The following KHDRBS1 variants were observed in gnomAD, a reference collection of about 807,000 sequenced individuals.
KHDRBS1 encodes KH RNA binding domain containing, signal transduction associated 1.
Under a neutral mutation model 48.4 loss-of-function variants are expected in KHDRBS1, and 7 were observed. The observed-to-expected ratio is 0.14, with a 90% CI of 0.08 to 0.27. KHDRBS1 has a LOEUF of 0.27. Ranked by LOEUF, KHDRBS1 falls within the 10% of genes least tolerant of loss-of-function variation. The probability of loss-of-function intolerance (pLI) is 1.00; values close to 1 mark genes in which losing one functional copy is unlikely to be tolerated. For synonymous variants in KHDRBS1, 241 were observed against 235.8 expected, an observed-to-expected ratio of 1.02 and a Z score of -0.20; for missense variants, 458 against 601.2, an observed-to-expected ratio of 0.76 and a Z score of 2.49.
At chr1:32,049,438 T>A (rs1639392415) in intron 10 of KHDRBS1, among the ~76,000 whole-genome samples, 1 of 151,788 alleles carries the variant, frequency 6.6e-6, no homozygotes, top group South Asian at 2.1e-4. Context: ...TTTTTTTTTT[T>A]ACTGTTAAAT....
intron 4 of KHDRBS1, among the ~76,000 whole-genome samples, chr1:32,033,691 A>G (rs2124379928): frequency 3.3e-5 from 5 of 152,274 alleles, no homozygotes; most frequent in Admixed American, 3.3e-4. Context: ...TTGTGTTAGG[A>G]AAGTGACTAA....
chr1:32,041,930 G>T (rs1410467272), intron 8 of KHDRBS1, among the ~76,000 whole-genome samples: 1 of 152,178 alleles, frequency 6.6e-6, no homozygotes, highest in Non-Finnish European at 1.5e-5. Context: ...ACATTTGATT[G>T]CACATCCCTC....
In KHDRBS1 at chr1:32,043,358, A is replaced by G. The variant is rs568879076; in HGVS notation, c.*734A>G. 11 of 152,598 alleles carry G rather than the reference A, an allele frequency of 7.2e-5. No homozygotes were observed. The highest frequency in any genetic ancestry group is 2.6e-4 in the African/African-American group (11 of 41,532). 9.5% of individuals were successfully genotyped at this position (152,598 alleles called of 1,614,324 possible). On this transcript the variant is annotated 3_prime_UTR_variant, in exon 9 of 9. Coordinates refer to ENST00000327300, the MANE Select transcript of KHDRBS1 (RefSeq NM_006559.3). ...TGGGTTTTGAAATCTAGCCCCAGACATACTGTGTTGAGAGATACTTAGAGG... is the reference window on the plus strand; with the variant it reads ...TGGGTTTTGAAATCTAGCCCCAGACGTACTGTGTTGAGAGATACTTAGAGG...
chr1:32,038,835 G>A (rs1557897142), intron 7 of KHDRBS1, among the ~76,000 whole-genome samples: 2 of 152,172 alleles, frequency 1.3e-5, no homozygotes, highest in East Asian at 3.8e-4. Flanking sequence ...GGTTACAGGT[G>A]CGTGCCACCA....
At chr1:32,053,261 A>AGG (rs1418005594) in intron 10 of KHDRBS1, among the ~76,000 whole-genome samples, 2 of 152,230 alleles carry the variant, frequency 1.3e-5, no homozygotes, top group African/African-American at 4.8e-5. Flanking sequence ...TGCCTGAGAA[A>AGG]GGCTTAGGGA....
chr1:32,036,325 C>T (rs1372407137), intron 4 of KHDRBS1, among the ~76,000 whole-genome samples: 2 of 151,892 alleles, frequency 1.3e-5, no homozygotes, highest in South Asian at 2.1e-4. Context: ...GTGCCTGCCG[C>T]GCCCGGCTAA....
chr1:32,045,955 CA>C (rs1194218320), downstream of KHDRBS1, among the ~76,000 whole-genome samples: 1 of 152,104 alleles, frequency 6.6e-6, no homozygotes, highest in Non-Finnish European at 1.5e-5. Flanking sequence ...ACCAGTTCCT[CA>C]AAAGGCAGTT....
chr1:32,034,788 T>C (rs1639144708), intron 4 of KHDRBS1, among the ~76,000 whole-genome samples: 1 of 150,982 alleles, frequency 6.6e-6, no homozygotes, highest in Admixed American at 6.6e-5. Context: ...CCATCCTGGC[T>C]AACATGGTGA....
At chr1:32,026,984 G>A (rs914731698) in intron 1 of KHDRBS1, among the ~76,000 whole-genome samples, 9 of 152,142 alleles carry the variant, frequency 5.9e-5, no homozygotes, top group Admixed American at 1.3e-4. Flanking sequence ...TAGTAGAGAC[G>A]GGGTTTCCCC....
intron 1 of KHDRBS1, among the ~76,000 whole-genome samples, chr1:32,027,015 G>A (rs962995386): frequency 3.3e-5 from 5 of 152,132 alleles, no homozygotes; most frequent in African/African-American, 1.2e-4. Context: ...AGCTGGTCTC[G>A]AATTTTTGAC....
chr1:32,033,053 T>C (rs1639111636), intron 3 of KHDRBS1, 135 bp from the exon 4 acceptor site: 1 of 635,152 alleles, frequency 1.6e-6, no homozygotes, highest in Non-Finnish European at 2.7e-6. Flanking sequence ...GTTTAATTCT[T>C]CTCAGCTCAT....
intron 1 of KHDRBS1, among the ~76,000 whole-genome samples, chr1:32,027,584 C>A (rs1639000759): frequency 1.3e-5 from 2 of 152,124 alleles, no homozygotes; most frequent in Non-Finnish European, 2.9e-5. Context: ...TACAGTTCTT[C>A]TCATAGGAGT....
intron 10 of KHDRBS1, among the ~76,000 whole-genome samples, chr1:32,057,486 T>G (rs1294096875): frequency 7.6e-6 from 1 of 131,870 alleles, no homozygotes; most frequent in Non-Finnish European, 1.6e-5. Context: ...TCTTCTTTTC[T>G]TTTTTTTTTT....
At chr1:32,050,462 C>T (rs917823741) in intron 10 of KHDRBS1, among the ~76,000 whole-genome samples, 12 of 151,774 alleles carry the variant, frequency 7.9e-5, no homozygotes, top group Admixed American at 3.9e-4. Context: ...AGGATTGTAC[C>T]TGTTTGTTTC....
chr1:32,028,983 T>A (rs1241908333), intron 1 of KHDRBS1, among the ~76,000 whole-genome samples: 1 of 152,156 alleles, frequency 6.6e-6, no homozygotes, highest in East Asian at 1.9e-4. Flanking sequence ...CCAGTCTGAC[T>A]CGCTCTATTG....
At chr1:32,040,546 T>C (rs1639263707) in intron 8 of KHDRBS1, among the ~76,000 whole-genome samples, 1 of 152,196 alleles carries the variant, frequency 6.6e-6, no homozygotes, top group Non-Finnish European at 1.5e-5. Flanking sequence ...AAGAGAGCTA[T>C]GGAGGCTGCA....
At chr1:32,023,468 A>G (rs1360444835) in intron 1 of KHDRBS1, among the ~76,000 whole-genome samples, 3 of 152,250 alleles carry the variant, frequency 2.0e-5, no homozygotes, top group African/African-American at 7.2e-5. Context: ...CATAGAAGGC[A>G]TTGGATAAGA....
intron 1 of KHDRBS1, among the ~76,000 whole-genome samples, chr1:32,029,494 C>G (rs949748346): frequency 6.6e-6 from 1 of 152,000 alleles, no homozygotes; most frequent in African/African-American, 2.4e-5. Flanking sequence ...CCCTTCTCTA[C>G]TAAAGATACA....
chr1:32,050,069 C>T (rs751796347), intron 10 of KHDRBS1, among the ~76,000 whole-genome samples: 13 of 152,168 alleles, frequency 8.5e-5, no homozygotes, highest in Non-Finnish European at 1.5e-4. Context: ...CCAACATTTA[C>T]TTTATTATAG....
Sources: allele counts gnomAD v4.1 joint callset (sites outside exome capture counted in the v4.1 genomes callset), GRCh38; gene constraint gnomAD v4.1.1; transcripts MANE v1.5; gene names NCBI Gene and HGNC (gene_info 2026-07-23, HGNC 2026-07-21).